The following EXOC6B variants were observed in gnomAD, a reference collection of about 807,000 sequenced individuals.
The protein encoded by EXOC6B is SEC15 homolog B.
EXOC6B carries 54 observed loss-of-function variants against 113.5 expected under a neutral mutation model. The observed-to-expected ratio is 0.48, with a 90% confidence interval of 0.38 to 0.60. The LOEUF is 0.60. EXOC6B is among the 20% of genes least tolerant of loss of function. EXOC6B has a pLI of 0.00. For synonymous variants in EXOC6B, 357 were observed against 339.0 expected, an observed-to-expected ratio of 1.05 and a Z score of -0.58; for missense variants, 797 against 977.5, an observed-to-expected ratio of 0.82 and a Z score of 2.46.
chr2:72,676,186 T>A (rs1356713214), intron 6 of EXOC6B, among the ~76,000 whole-genome samples: 1 of 150,158 alleles, frequency 6.7e-6, no homozygotes, highest in Non-Finnish European at 1.5e-5. Context: ...GGGAAAAAAA[T>A]CAGTTTTACT....
intron 6 of EXOC6B, among the ~76,000 whole-genome samples, chr2:72,610,238 T>C (rs780813881): frequency 1.9e-4 from 29 of 152,232 alleles, no homozygotes; most frequent in Non-Finnish European, 1.6e-4. Flanking sequence ...ACTAAAAGTA[T>C]ATACATAGTG....
chr2:72,210,551 A>C (rs1160017576), intron 20 of EXOC6B, among the ~76,000 whole-genome samples: 1 of 152,164 alleles, frequency 6.6e-6, no homozygotes, highest in Non-Finnish European at 1.5e-5. Context: ...CCTGCCATCT[A>C]TTTCAAAGCT....
At chr2:72,427,398 G>GC (rs1695262117) in intron 18 of EXOC6B, among the ~76,000 whole-genome samples, 2 of 152,154 alleles carry the variant, frequency 1.3e-5, no homozygotes, top group Non-Finnish European at 2.9e-5. Flanking sequence ...GGCCTCCACT[G>GC]CCCCCGCAGC....
At chr2:72,313,879 T>C (rs918598518) in intron 20 of EXOC6B, among the ~76,000 whole-genome samples, 5 of 152,174 alleles carry the variant, frequency 3.3e-5, no homozygotes, top group African/African-American at 1.2e-4. Flanking sequence ...TTAAATACTA[T>C]AATCCCTGTC....
intron 20 of EXOC6B, among the ~76,000 whole-genome samples, chr2:72,256,157 CA>C: frequency 6.6e-6 from 1 of 152,190 alleles, no homozygotes; most frequent in South Asian, 2.1e-4. Context: ...AGCCACAAAC[CA>C]GGGAGCTCCT....
chr2:72,433,811 G>A (rs1048170827), intron 18 of EXOC6B, among the ~76,000 whole-genome samples: 80 of 152,254 alleles, frequency 5.3e-4, no homozygotes, highest in African/African-American at 1.8e-3. Flanking sequence ...GGGCTGAGAC[G>A]ATGGGGTTTT....
chr2:72,531,600 T>A (rs1394889890), intron 8 of EXOC6B, among the ~76,000 whole-genome samples: 1 of 152,226 alleles, frequency 6.6e-6, no homozygotes, highest in African/African-American at 2.4e-5. Context: ...CTGACTTCAG[T>A]GGAAATCTAG....
At chr2:72,815,498 A>G in intron 1 of EXOC6B, among the ~76,000 whole-genome samples, 1 of 148,834 alleles carries the variant, frequency 6.7e-6, no homozygotes, top group Admixed American at 6.6e-5. Flanking sequence ...TTTCAAAAAA[A>G]AAAAAAAGAA....
At chr2:72,617,951 G>A (rs939719075) in intron 6 of EXOC6B, among the ~76,000 whole-genome samples, 2 of 152,158 alleles carry the variant, frequency 1.3e-5, no homozygotes, top group Non-Finnish European at 2.9e-5. Context: ...GGAGGTCTAT[G>A]ATTGCCTCTT....
chr2:72,707,292 C>T (rs1338149947), intron 6 of EXOC6B, among the ~76,000 whole-genome samples: 1 of 152,144 alleles, frequency 6.6e-6, no homozygotes, highest in African/African-American at 2.4e-5. Context: ...GAATATCTTA[C>T]ACAGCTTTAT....
chr2:72,527,826 G>A (rs373442857), intron 8 of EXOC6B, among the ~76,000 whole-genome samples: 3 of 151,746 alleles, frequency 2.0e-5, no homozygotes, highest in East Asian at 1.9e-4. Flanking sequence ...TATCTGCCTC[G>A]GTGAATTGTT....
intron 18 of EXOC6B, among the ~76,000 whole-genome samples, chr2:72,424,508 A>G (rs1695092576): frequency 6.6e-6 from 1 of 152,292 alleles, no homozygotes; most frequent in African/African-American, 2.4e-5. Context: ...TATATCATCA[A>G]AAAACAAGCT....
chr2:72,585,627 T>C (rs983392349), intron 6 of EXOC6B, among the ~76,000 whole-genome samples: 3 of 149,702 alleles, frequency 2.0e-5, no homozygotes, highest in African/African-American at 4.9e-5. Flanking sequence ...TTACAAGAGA[T>C]ACCACAGAAA....
chr2:72,796,344 T>G (rs1684948159), intron 1 of EXOC6B, among the ~76,000 whole-genome samples: 1 of 150,592 alleles, frequency 6.6e-6, no homozygotes, highest in Admixed American at 6.6e-5. Flanking sequence ...TCCCAGCTAC[T>G]CGGGAGACTG....
chr2:72,729,391 T>C (rs1680499800), intron 5 of EXOC6B, among the ~76,000 whole-genome samples: 1 of 151,164 alleles, frequency 6.6e-6, no homozygotes, highest in African/African-American at 2.4e-5. Context: ...CTGTTAATTC[T>C]GAGAAGTTGG....
intron 13 of EXOC6B, among the ~76,000 whole-genome samples, chr2:72,497,244 A>T (rs1382450780): frequency 6.6e-6 from 1 of 152,022 alleles, no homozygotes; most frequent in Non-Finnish European, 1.5e-5. Flanking sequence ...AAGTGCTGGG[A>T]TTACAGGCAT....
At position 72,620,969 on chromosome 2, in the gene EXOC6B, G is replaced by A. The variant is rs11902848; in HGVS notation, c.670-45301C>T. 8.0e-3 allele frequency among the ~76,000 whole-genome samples: 1,216 copies of A among 152,224 alleles called. 26 individuals are homozygous for A. The highest frequency in any genetic ancestry group is 0.028 in the African/African-American group (1,179 of 41,524). ...CACAATGAGATACCATCTTATACCA[G>A]TCAGAATGGCTATTATTTAAAAGTC... On this transcript the variant is annotated intron_variant, in intron 6 of 21. Coordinates refer to ENST00000272427, the MANE Select transcript of EXOC6B (RefSeq NM_015189.3).
intron 20 of EXOC6B, among the ~76,000 whole-genome samples, chr2:72,275,186 A>C (rs1333638648): frequency 6.6e-6 from 1 of 152,194 alleles, no homozygotes; most frequent in African/African-American, 2.4e-5. Flanking sequence ...TTTAATGGAC[A>C]AGATAGAGTT....
intron 6 of EXOC6B, among the ~76,000 whole-genome samples, chr2:72,660,043 C>T (rs569101912): frequency 1.3e-5 from 2 of 151,816 alleles, no homozygotes; most frequent in Non-Finnish European, 2.9e-5. Context: ...CTGGTATGAT[C>T]GTCTGTTGTA....
Sources: gnomAD v4.1 joint callset for allele counts (sites outside exome capture counted in the v4.1 genomes callset) on GRCh38, gnomAD v4.1.1 for gene constraint, MANE v1.5 for transcripts, NCBI Gene and HGNC (gene_info 2026-07-23, HGNC 2026-07-21) for gene names.